Variants in ST6GALNAC5 observed in about 807,000 individuals in gnomAD.
ST6GALNAC5 encodes the protein alpha-N-acetylgalactosaminide alpha-2,6-sialyltransferase 5.
A neutral mutation model predicts 33.6 loss-of-function variants in ST6GALNAC5; 27 were observed. That is an observed-to-expected ratio of 0.80 (90% CI 0.59 to 1.11). The LOEUF (loss-of-function observed/expected upper bound fraction) is 1.11. Ranked by LOEUF, ST6GALNAC5 falls within the 50% of genes least tolerant of loss-of-function variation. The pLI is 0.00. For synonymous variants in ST6GALNAC5, 194 were observed against 171.2 expected, an observed-to-expected ratio of 1.13 and a Z score of -1.04; for missense variants, 428 against 454.0, an observed-to-expected ratio of 0.94 and a Z score of 0.52.
intron 2 of ST6GALNAC5, among the ~76,000 whole-genome samples, chr1:76,955,293 T>C (rs2100342570): frequency 6.6e-6 from 1 of 152,234 alleles, no homozygotes; most frequent in East Asian, 1.9e-4. Flanking sequence ...TTGCATACTG[T>C]AATGCTCATT....
intron 3 of ST6GALNAC5, among the ~76,000 whole-genome samples, chr1:77,046,603 G>C (rs1490929886): frequency 1.3e-5 from 2 of 152,176 alleles, no homozygotes; most frequent in Non-Finnish European, 2.9e-5. Context: ...ACAAAATCCA[G>C]TCATGCATTG....
chr1:76,929,888 A>C (rs2100308087), intron 2 of ST6GALNAC5, among the ~76,000 whole-genome samples: 1 of 152,276 alleles, frequency 6.6e-6, no homozygotes, highest in South Asian at 2.1e-4. Flanking sequence ...AGGTGGAAGA[A>C]TCACTTGAAC....
intron 2 of ST6GALNAC5, among the ~76,000 whole-genome samples, chr1:76,954,398 A>C (rs1302021473): frequency 6.6e-6 from 1 of 152,072 alleles, no homozygotes; most frequent in Non-Finnish European, 1.5e-5. Context: ...GGGGAGGGAG[A>C]GTATCAGGAA....
chr1:76,929,617 C>T (rs1171254206), intron 2 of ST6GALNAC5, among the ~76,000 whole-genome samples: 3 of 152,076 alleles, frequency 2.0e-5, no homozygotes, highest in Admixed American at 6.6e-5. Flanking sequence ...ATAGAGCTAT[C>T]CTGTGCATTA....
intron 2 of ST6GALNAC5, among the ~76,000 whole-genome samples, chr1:76,969,115 G>A (rs572810797): frequency 7.9e-5 from 12 of 152,244 alleles, no homozygotes; most frequent in South Asian, 2.1e-4. Context: ...CGCAGAACAC[G>A]CATGATTACT....
chr1:76,978,467 T>G (rs1369322889), intron 2 of ST6GALNAC5, among the ~76,000 whole-genome samples: 1 of 152,200 alleles, frequency 6.6e-6, no homozygotes, highest in Non-Finnish European at 1.5e-5. Context: ...CAAGGATGGT[T>G]CAATATATGG....
At chr1:76,935,957 T>C (rs1464777230) in intron 2 of ST6GALNAC5, among the ~76,000 whole-genome samples, 1 of 152,018 alleles carries the variant, frequency 6.6e-6, no homozygotes, top group African/African-American at 2.4e-5. Context: ...CAGGAATACT[T>C]GCTAATGACA....
At chr1:76,963,278 A>C (rs536336345) in intron 2 of ST6GALNAC5, among the ~76,000 whole-genome samples, 27 of 152,350 alleles carry the variant, frequency 1.8e-4, no homozygotes, top group Non-Finnish European at 2.8e-4. Flanking sequence ...TAACATGACC[A>C]GCCCACGCTT....
chr1:76,960,328 G>T (rs1206979738), intron 2 of ST6GALNAC5, among the ~76,000 whole-genome samples: 1 of 152,106 alleles, frequency 6.6e-6, no homozygotes, highest in Non-Finnish European at 1.5e-5. Flanking sequence ...TTTTCAAAAG[G>T]GGAGGGAGTG....
chr1:76,987,193 A>G (rs1649542648), intron 2 of ST6GALNAC5, among the ~76,000 whole-genome samples: 1 of 152,094 alleles, frequency 6.6e-6, no homozygotes, highest in South Asian at 2.1e-4. Context: ...ACAAATAAAC[A>G]AAATCAATAA....
At chr1:76,955,453 T>C (rs1375825541) in intron 2 of ST6GALNAC5, among the ~76,000 whole-genome samples, 1 of 152,184 alleles carries the variant, frequency 6.6e-6, no homozygotes, top group Admixed American at 6.6e-5. Flanking sequence ...ATTGACTCAG[T>C]TGCTATATGT....
intron 2 of ST6GALNAC5, among the ~76,000 whole-genome samples, chr1:76,987,051 G>A (rs1649533149): frequency 6.6e-6 from 1 of 152,212 alleles, no homozygotes; most frequent in Non-Finnish European, 1.5e-5. Context: ...ATAGCATTAG[G>A]AGAAATATCT....
At chr1:76,905,665 TA>T (rs1646857901) in intron 2 of ST6GALNAC5, among the ~76,000 whole-genome samples, 1 of 152,354 alleles carries the variant, frequency 6.6e-6, no homozygotes, top group East Asian at 1.9e-4. Context: ...TGATAATGAC[TA>T]AAAATATATT....
rs1210816446 is a variant in ST6GALNAC5 at position 77,000,968 on chromosome 1, G to A, written c.262-43236G>A. On this transcript the variant is annotated intron_variant, in intron 2 of 4. Coordinates refer to ENST00000477717, the MANE Select transcript of ST6GALNAC5 (RefSeq NM_030965.3). ...TCTTTTGGCTTAGGATTGCCTTGGC[G>A]ATGCGGGCTCTTTTTTGGTTCCATA... 1.1e-4 allele frequency among the ~76,000 whole-genome samples: 16 copies of A among 151,354 alleles called. No homozygotes were observed. In the South Asian group the frequency reaches 2.1e-3, roughly 20 times the overall value.
At chr1:77,054,880 A>ATTCACATTT (rs1652340748) in intron 4 of ST6GALNAC5, among the ~76,000 whole-genome samples, 1 of 152,172 alleles carries the variant, frequency 6.6e-6, no homozygotes, top group African/African-American at 2.4e-5. Flanking sequence ...ATAGCATTGC[A>ATTCACATTT]TTCACATTTA....
intron 2 of ST6GALNAC5, among the ~76,000 whole-genome samples, chr1:77,042,998 G>A (rs1426986438): frequency 1.3e-5 from 2 of 152,178 alleles, no homozygotes; most frequent in Admixed American, 1.3e-4. Flanking sequence ...GGTGCTCTCA[G>A]TGTAGTTCTG....
At chr1:76,961,866 C>T (rs1392155750) in intron 2 of ST6GALNAC5, among the ~76,000 whole-genome samples, 1 of 152,118 alleles carries the variant, frequency 6.6e-6, no homozygotes, top group Non-Finnish European at 1.5e-5. Context: ...GTTCTTCTCC[C>T]TACCCCACCA....
In ST6GALNAC5 at chr1:77,001,153, C is replaced by A. The variant is rs574526515; in HGVS notation, c.262-43051C>A. Among the ~76,000 whole-genome samples, 439 of 148,476 alleles carry A rather than the reference C, an allele frequency of 3.0e-3. 1 individual carries two copies. Among genetic ancestry groups the A allele is most frequent in the African/African-American group, 9.9e-3 (399 of 40,278 alleles). ...GGAATGTTCTTCCATTTGTTTGTAT[C>A]CTCTTTTATTTCCTTGAGCAGTGGT... On this transcript the variant is annotated intron_variant, in intron 2 of 4. Transcript: ENST00000477717.
chr1:76,971,434 A>C (rs192115153), intron 2 of ST6GALNAC5, among the ~76,000 whole-genome samples: 1 of 152,092 alleles, frequency 6.6e-6, no homozygotes, highest in African/African-American at 2.4e-5. Flanking sequence ...ACCACTAAAT[A>C]TTTGCTAAAT....
Sources: allele counts gnomAD v4.1 joint callset (sites outside exome capture counted in the v4.1 genomes callset), GRCh38; gene constraint gnomAD v4.1.1; transcripts MANE v1.5; gene names NCBI Gene and HGNC (gene_info 2026-07-23, HGNC 2026-07-21).